The following PRKCB variants were observed in gnomAD, a reference collection of about 807,000 sequenced individuals.
PRKCB encodes protein kinase C beta.
PRKCB carries 13 observed loss-of-function variants against 81.5 expected under a neutral mutation model. That is an observed-to-expected ratio of 0.16 (90% CI 0.10 to 0.25). The LOEUF is 0.25. Among genes scored for constraint, PRKCB ranks in the 10% least tolerant of loss-of-function variants. The pLI, the probability that PRKCB is intolerant of heterozygous loss-of-function variation, is 1.00. For synonymous variants in PRKCB, 335 were observed against 321.4 expected (o/e 1.04, Z -0.45); for missense variants, 509 against 875.7 (o/e 0.58, Z 5.29).
At chr16:23,947,646 A>C (rs1964220685) in intron 2 of PRKCB, among the ~76,000 whole-genome samples, 1 of 152,152 alleles carries the variant, frequency 6.6e-6, no homozygotes, top group African/African-American at 2.4e-5. Context: ...ACATAGATGC[A>C]TATAGTCAGG....
At chr16:24,047,266 C>T (rs190965481) in intron 5 of PRKCB, among the ~76,000 whole-genome samples, 2 of 151,992 alleles carry the variant, frequency 1.3e-5, no homozygotes. Context: ...CGCTTGAACC[C>T]GGGAGGCAGA....
chr16:24,065,269 T>G (rs1966018745), intron 5 of PRKCB, among the ~76,000 whole-genome samples: 1 of 151,750 alleles, frequency 6.6e-6, no homozygotes, highest in Non-Finnish European at 1.5e-5. Flanking sequence ...CCATGTGTTT[T>G]ACATTCCTTT....
intron 2 of PRKCB, among the ~76,000 whole-genome samples, chr16:23,962,409 G>T (rs1400471981): frequency 6.6e-6 from 1 of 152,160 alleles, no homozygotes; most frequent in African/African-American, 2.4e-5. Flanking sequence ...CCTTTGCAAT[G>T]CTTTTCCTTG....
At chr16:24,059,378 C>T (rs1965943890) in intron 5 of PRKCB, among the ~76,000 whole-genome samples, 1 of 152,106 alleles carries the variant, frequency 6.6e-6, no homozygotes, top group Non-Finnish European at 1.5e-5. Context: ...GCTTTTAAGT[C>T]CAGGTGCAGT....
At chr16:24,142,788 A>G (rs1450245715) in intron 9 of PRKCB, among the ~76,000 whole-genome samples, 2 of 152,138 alleles carry the variant, frequency 1.3e-5, no homozygotes, top group African/African-American at 4.8e-5. Flanking sequence ...GACTGGGAAG[A>G]ATCCATGCAG....
chr16:24,123,591 G>C (rs1966826761), intron 8 of PRKCB, among the ~76,000 whole-genome samples: 1 of 152,178 alleles, frequency 6.6e-6, no homozygotes, highest in Non-Finnish European at 1.5e-5. Context: ...ATGAATTCTA[G>C]AGACAGCTGG....
chr16:24,074,608 A>G (rs1174578059), intron 5 of PRKCB, among the ~76,000 whole-genome samples: 3 of 152,256 alleles, frequency 2.0e-5, no homozygotes, highest in Admixed American at 6.5e-5. Flanking sequence ...CAAAAAGAAC[A>G]TGTATTTAAA....
intron 2 of PRKCB, among the ~76,000 whole-genome samples, chr16:23,954,341 C>G (rs141586356): frequency 6.6e-6 from 1 of 152,136 alleles, no homozygotes; most frequent in Non-Finnish European, 1.5e-5. Flanking sequence ...TTGTGACCAC[C>G]GGAGCTCTGT....
At chr16:23,969,970 C>T (rs922955628) in intron 2 of PRKCB, among the ~76,000 whole-genome samples, 3 of 152,166 alleles carry the variant, frequency 2.0e-5, no homozygotes, top group Non-Finnish European at 4.4e-5. Context: ...CAGGCCCCTT[C>T]CTTGAAAAGT....
chr16:23,845,180 T>C (rs1962346371), intron 2 of PRKCB, among the ~76,000 whole-genome samples: 1 of 152,188 alleles, frequency 6.6e-6, no homozygotes, highest in African/African-American at 2.4e-5. Context: ...TGAATGAAAC[T>C]GAGAAAATTT....
intron 9 of PRKCB, among the ~76,000 whole-genome samples, chr16:24,141,340 A>G (rs960815843): frequency 6.6e-6 from 1 of 152,022 alleles, no homozygotes; most frequent in Non-Finnish European, 1.5e-5. Flanking sequence ...GATTGCAAGC[A>G]TGCACCACCA....
intron 3 of PRKCB, among the ~76,000 whole-genome samples, chr16:24,009,422 G>A (rs1965171176): frequency 6.7e-6 from 1 of 148,312 alleles, no homozygotes; most frequent in Admixed American, 6.6e-5. Context: ...TTGTTAGGAT[G>A]ACTATTTTTT....
chr16:23,941,591 T>C (rs1053541368), intron 2 of PRKCB, among the ~76,000 whole-genome samples: 2 of 152,160 alleles, frequency 1.3e-5, no homozygotes, highest in East Asian at 3.8e-4. Flanking sequence ...AGAAATACAT[T>C]ATGATTTATT....
intron 10 of PRKCB, 45 bp downstream of exon 10, chr16:24,154,902 C>T (rs1215884168): frequency 1.9e-6 from 3 of 1,582,140 alleles, no homozygotes; most frequent in Non-Finnish European, 2.6e-6. Flanking sequence ...CAGGGCTTCA[C>T]CAGGCTTTGG....
rs578095381 is a variant in PRKCB, at chr16:24,007,254, C to T, written c.288+18664C>T. On this transcript the variant is annotated intron_variant, in intron 3 of 16. Coordinates refer to ENST00000643927, the MANE Select transcript of PRKCB (RefSeq NM_002738.7). ...TAAGAGCTTCATGCCGTAACTGGCA[C>T]ATAGGACATGCTAGTTAATATTATT... Among the ~76,000 whole-genome samples the T allele has an allele frequency of 5.9e-5, 9 of 152,338 alleles. No individual in the cohort carries two copies. In the South Asian group the frequency reaches 1.0e-3, roughly 18 times the overall value.
chr16:23,957,219 T>C (rs1596486863), intron 2 of PRKCB, among the ~76,000 whole-genome samples: 2 of 152,122 alleles, frequency 1.3e-5, no homozygotes, highest in East Asian at 3.9e-4. Flanking sequence ...GTGAATAAAG[T>C]TGAAGTTAAT....
chr16:23,928,408 A>G (rs1023981300), intron 2 of PRKCB, among the ~76,000 whole-genome samples: 35 of 152,064 alleles, frequency 2.3e-4, no homozygotes, highest in African/African-American at 8.0e-4. Context: ...GATTACAGGC[A>G]TGAGCCACCG....
At chr16:24,102,294 T>C (rs1966519186) in intron 7 of PRKCB, among the ~76,000 whole-genome samples, 1 of 152,204 alleles carries the variant, frequency 6.6e-6, no homozygotes, top group Admixed American at 6.5e-5. Flanking sequence ...TTTTCCAAAA[T>C]AAAAGCCCTC....
intron 3 of PRKCB, among the ~76,000 whole-genome samples, chr16:24,008,386 C>T (rs762952545): frequency 2.6e-5 from 4 of 152,222 alleles, no homozygotes; most frequent in African/African-American, 4.8e-5. Flanking sequence ...GGTCCAGATG[C>T]GTGTGGACAT....
Sources: gnomAD v4.1 joint callset for allele counts (sites outside exome capture counted in the v4.1 genomes callset) on GRCh38, gnomAD v4.1.1 for gene constraint, MANE v1.5 for transcripts, NCBI Gene and HGNC (gene_info 2026-07-23, HGNC 2026-07-21) for gene names.